The following ZNF736 variants were observed in gnomAD, a reference collection of about 807,000 sequenced individuals.
ZNF736 encodes zinc finger protein 736, also known as KRAB-containing zinc-finger repressor protein.
In ZNF736, 6 loss-of-function variants were observed where a neutral mutation model predicts 11.7. The ratio of observed to expected loss-of-function variants is 0.51; its 90% confidence interval spans 0.28 to 1.01. ZNF736 has a LOEUF of 1.01. Ranked by LOEUF, ZNF736 falls within the 50% of genes least tolerant of loss-of-function variation. The pLI is 0.09. For synonymous variants in ZNF736, 139 were observed against 164.7 expected (o/e 0.84, Z 1.19); for missense variants, 444 against 496.0 (o/e 0.90, Z 1.00).
chr7:64,353,018 A>C lies in ZNF736; in HGVS notation c.*3871A>C, dbSNP rs142194057. 2 of 152,470 alleles carry C rather than the reference A, an allele frequency of 1.3e-5. No homozygotes were observed. The highest frequency in any genetic ancestry group is 4.8e-5 in the African/African-American group (2 of 41,564). The allele number at this position is 152,470 out of a possible 1,614,324, so 9.4% of individuals were successfully genotyped here. A position where few individuals can be genotyped will look rare whatever the true frequency, so the allele number is the denominator to read the frequency against. ...AACCTGCTTTGCTCGAGTTGCAGCT[A>C]CTTTTTCTGGGAAGCCTGGAAAGCC... On this transcript the variant is annotated 3_prime_UTR_variant, in exon 4 of 4. Coordinates refer to ENST00000423484, the MANE Select transcript of ZNF736 (RefSeq NM_001170905.3).
intron 3 of ZNF736, among the ~76,000 whole-genome samples, chr7:64,338,307 A>G (rs1209687720): frequency 2.0e-5 from 3 of 152,244 alleles, no homozygotes; most frequent in African/African-American, 7.2e-5. Context: ...GATTAATACA[A>G]TCAAATTAAT....
chr7:64,314,126 C>A lies in ZNF736; in HGVS notation c.-25C>A, dbSNP rs1463969890. ...GGTACTGGGAGATCCATAGGGAGGACGGCGGAACATCTGGAGGCTGGGAAA... is the reference window on the plus strand; with the variant it reads ...GGTACTGGGAGATCCATAGGGAGGAAGGCGGAACATCTGGAGGCTGGGAAA... On this transcript the variant is annotated 5_prime_UTR_variant, in exon 1 of 4. Coordinates refer to ENST00000423484, the MANE Select transcript of ZNF736 (RefSeq NM_001170905.3). 6.4e-7 allele frequency: 1 copy of A among 1,551,912 alleles called. No homozygotes were observed. Among genetic ancestry groups the A allele is most frequent in the Non-Finnish European group, 8.7e-7 (1 of 1,147,202 alleles).
chr7:64,348,530 CA>C lies in ZNF736; in HGVS notation c.668del (p.His223LeufsTer83). 6.3e-7 allele frequency: 1 copy of C among 1,581,142 alleles called. No homozygotes were observed. Among genetic ancestry groups the C allele is most frequent in the Non-Finnish European group, 8.6e-7 (1 of 1,163,682 alleles). On this transcript the variant is annotated frameshift_variant, in exon 4 of 4. Transcript: ENST00000423484. LOFTEE classifies it low-confidence loss of function (END_TRUNC). ...AAACCTTACTGAACATAAGAGAGTT[CA>C]TACTGGAGAGAAACCTTACAAATGT... is the stretch of plus-strand genomic sequence containing the variant. The part of the protein sequence containing the change: ...FSNLTEHKRV[H>X]TGEKPYKCEG...
chr7:64,336,334 C>T lies in ZNF736; in HGVS notation c.79C>T (p.Arg27Cys), dbSNP rs765053743. 1.9e-5 allele frequency: 30 copies of T among 1,613,664 alleles called. No individual in the cohort carries two copies. The highest frequency in any genetic ancestry group is 1.0e-4 in the Admixed American group (6 of 59,932). Residue 27 changes from arginine to cysteine, a missense_variant, in exon 2 of 4, where the codon CGT becomes TGT. Coordinates refer to ENST00000423484, the MANE Select transcript of ZNF736 (RefSeq NM_001170905.3). ...EWECLDSAQQ[R>C]LYRDVMLENY... ...GGAATGCCTGGACTCTGCTCAGCAG[C>T]GTTTGTATAGGGATGTGATGTTAGA...
At position 64,348,495 on chromosome 7, in the gene ZNF736, A is replaced by G; in HGVS notation, c.632A>G (p.Lys211Arg). Residue 211 changes from lysine (K) to arginine (R), a missense_variant, in exon 4 of 4, where the codon AAA becomes AGA. Transcript: ENST00000423484. ...TGTGAAGAATGTGGCAAAGCGTTTA[A>G]AAAGTTTTCAAACCTTACTGAACAT... ...YKCEECGKAF[K>R]KFSNLTEHKR... 6.4e-7 allele frequency: 1 copy of G among 1,562,918 alleles called. No homozygotes were observed. Among genetic ancestry groups the G allele is most frequent in the Non-Finnish European group, 8.7e-7 (1 of 1,154,328 alleles).
chr7:64,348,163 G>C lies in ZNF736; in HGVS notation c.300G>C (p.Leu100=). 6.5e-7 allele frequency: 1 copy of C among 1,549,610 alleles called. No homozygotes were observed. The change falls in exon 4 of 4, where the codon CTG becomes CTC. Residue 100 remains leucine (L), a synonymous_variant. Transcript: ENST00000423484. ...DIKDSFQKVI[L]RKYGSCDLNN... ...AAGATTCATTTCAAAAAGTGATTCT[G>C]AGAAAATATGGAAGCTGTGACCTTA...
intron 3 of ZNF736, among the ~76,000 whole-genome samples, chr7:64,341,812 G>T (rs1194899997): frequency 6.6e-6 from 1 of 152,160 alleles, no homozygotes; most frequent in Admixed American, 6.5e-5. Context: ...ACCTTCTGCA[G>T]CATAGAAAGT....
chr7:64,321,709 G>A (rs182968411), intron 1 of ZNF736, among the ~76,000 whole-genome samples: 1 of 152,296 alleles, frequency 6.6e-6, no homozygotes, highest in Admixed American at 6.5e-5. Flanking sequence ...AAGAATACAA[G>A]GGGTTCTCAT....
At chr7:64,329,599 G>A (rs1789130987) in intron 1 of ZNF736, among the ~76,000 whole-genome samples, 1 of 152,024 alleles carries the variant, frequency 6.6e-6, no homozygotes, top group African/African-American at 2.4e-5. Flanking sequence ...TTTACATTCT[G>A]CCAAATAAAT....
Position 64,350,005 on chromosome 7 carries a change from T to G in ZNF736, c.*858T>G, listed in dbSNP as rs1479128310. 6.6e-6 allele frequency: 1 copy of G among 152,168 alleles called. No individual in the cohort carries two copies. The highest frequency in any genetic ancestry group is 6.5e-5 in the Admixed American group (1 of 15,282). The allele number at this position is 152,168 out of a possible 1,614,324, so 9.4% of individuals were successfully genotyped here. ...CCTTTAACATATTTTTTCTTTCATT[T>G]TGACCCTGGAGAATCTCATGATTAT... On this transcript the variant is annotated 3_prime_UTR_variant, in exon 4 of 4. Transcript: ENST00000423484.
At chr7:64,337,296 T>C (rs781759623) in intron 3 of ZNF736, 6 of 327,264 alleles carry the variant, frequency 1.8e-5, no homozygotes, top group Non-Finnish European at 3.4e-5. Context: ...TTTGACTGCT[T>C]TTCCATTGCT....
At chr7:64,335,651 T>C (rs528125910) in intron 1 of ZNF736, among the ~76,000 whole-genome samples, 4 of 152,368 alleles carry the variant, frequency 2.6e-5, no homozygotes, top group Non-Finnish European at 5.9e-5. Flanking sequence ...ACAGCTCTTC[T>C]TTCTTCCTAC....
At chr7:64,324,402 G>C (rs1053181989) in intron 1 of ZNF736, among the ~76,000 whole-genome samples, 3 of 152,156 alleles carry the variant, frequency 2.0e-5, no homozygotes. Context: ...AGTGCACACA[G>C]ACTGTCACAC....
At chr7:64,337,818 G>A (rs1171293875) in intron 3 of ZNF736, among the ~76,000 whole-genome samples, 4 of 143,268 alleles carry the variant, frequency 2.8e-5, no homozygotes, top group African/African-American at 5.1e-5. Context: ...GCAATGGCAC[G>A]ATCTCGGCTC....
rs1789527525 is a variant in ZNF736, at chr7:64,354,366, G to A, written c.*5219G>A. ...GAGAAAGTAATCATATTTGTTTATG[G>A]TTGTGTACCTACTTTGAGAAGAAAA... On this transcript the variant is annotated 3_prime_UTR_variant, in exon 4 of 4. Transcript: ENST00000423484. 1 of 152,066 alleles carries A rather than the reference G, an allele frequency of 6.6e-6. No individual in the cohort carries two copies. The highest frequency in any genetic ancestry group is 2.4e-5 in the African/African-American group (1 of 41,410). 9.4% of individuals were successfully genotyped at this position (152,066 alleles called of 1,614,324 possible).
chr7:64,349,430 G>A lies in ZNF736; in HGVS notation c.*283G>A, dbSNP rs1488564883. The A allele has an allele frequency of 3.7e-6, 1 of 272,026 alleles. No homozygotes were observed. Among genetic ancestry groups the A allele is most frequent in the Non-Finnish European group, 6.9e-6 (1 of 145,786 alleles). 16.9% of individuals were successfully genotyped at this position (272,026 alleles called of 1,614,324 possible). ...TTCTTTTCCTGTTTTCTATTTGCTT[G>A]GTAGGCTTTTCTTTTTCCCTTTATT... On this transcript the variant is annotated 3_prime_UTR_variant, in exon 4 of 4. Coordinates refer to ENST00000423484, the MANE Select transcript of ZNF736 (RefSeq NM_001170905.3).
intron 1 of ZNF736, among the ~76,000 whole-genome samples, chr7:64,320,523 AT>A (rs1027922062): frequency 2.0e-5 from 3 of 151,842 alleles, no homozygotes; most frequent in East Asian, 3.9e-4. Flanking sequence ...AAAAACTTCA[AT>A]TTTTTTTTCT....
intron 1 of ZNF736, among the ~76,000 whole-genome samples, chr7:64,323,694 A>T (rs1789037611): frequency 6.6e-6 from 1 of 152,122 alleles, no homozygotes; most frequent in African/African-American, 2.4e-5. Context: ...GAATGATGAG[A>T]TACATGGACA....
chr7:64,328,203 C>T (rs1332470261), intron 1 of ZNF736, among the ~76,000 whole-genome samples: 1 of 150,190 alleles, frequency 6.7e-6, no homozygotes, highest in Non-Finnish European at 1.5e-5. Flanking sequence ...TTTTGTGGGA[C>T]AGGTCTGGGG....
Sources: gnomAD v4.1 joint callset for allele counts (sites outside exome capture counted in the v4.1 genomes callset) on GRCh38, gnomAD v4.1.1 for gene constraint, MANE v1.5 for transcripts, NCBI Gene and HGNC (gene_info 2026-07-23, HGNC 2026-07-21) for gene names.